KDM2A: variants seen among roughly 807,000 people sequenced by gnomAD.
KDM2A encodes the protein lysine-specific demethylase 2A.
KDM2A carries 3 observed loss-of-function variants against 137.3 expected under a neutral mutation model. The ratio of observed to expected loss-of-function variants is 0.02; its 90% CI spans 0.01 to 0.06. The LOEUF (loss-of-function observed/expected upper bound fraction) is 0.06, where lower values mean the gene tolerates loss of function less well. KDM2A is among the 10% of genes least tolerant of loss of function. KDM2A has a pLI of 1.00. For synonymous variants in KDM2A, 512 were observed against 541.5 expected (o/e 0.95, Z 0.76); for missense variants, 738 against 1,510.6 (o/e 0.49, Z 8.48).
At position 67,219,419 on chromosome 11, in the gene KDM2A, T is replaced by A. The variant is rs1317254087; in HGVS notation, c.957+16T>A. ...TCGGACACGGGTAAGTAATCTTATG[T>A]AACAGTTGCATGTGAAGAGGTTTAC... is the stretch of plus-strand genomic sequence containing the variant. On this transcript the variant is annotated intron_variant, in intron 10 of 20. Coordinates refer to ENST00000529006, the MANE Select transcript of KDM2A (RefSeq NM_012308.3). 4.2e-6 allele frequency: 6 copies of A among 1,437,960 alleles called. No individual in the cohort carries two copies. Among genetic ancestry groups the A allele is most frequent in the Non-Finnish European group, 5.8e-6 (6 of 1,036,978 alleles). The allele number at this position is 1,437,960 out of a possible 1,614,324, so 89.1% of individuals were successfully genotyped here. A position where few individuals can be genotyped will look rare whatever the true frequency, so the allele number is the denominator to read the frequency against.
chr11:67,178,231 C>T (rs1438612000), intron 2 of KDM2A, among the ~76,000 whole-genome samples: 4 of 151,956 alleles, frequency 2.6e-5, no homozygotes, highest in South Asian at 2.1e-4. Context: ...CATGGGAAAC[C>T]CCTGTCTCTA....
At chr11:67,191,415 A>C (rs1382085702) in intron 5 of KDM2A, among the ~76,000 whole-genome samples, 1 of 152,204 alleles carries the variant, frequency 6.6e-6, no homozygotes, top group African/African-American at 2.4e-5. Flanking sequence ...ACAAATCAAT[A>C]TCCTTTTTGA....
At chr11:67,138,626 C>A (rs2136290977) in intron 2 of KDM2A, among the ~76,000 whole-genome samples, 1 of 152,248 alleles carries the variant, frequency 6.6e-6, no homozygotes, top group Admixed American at 6.5e-5. Context: ...ACCAAAAACA[C>A]AAAAATTAAC....
chr11:67,252,738 G>T lies in KDM2A; in HGVS notation c.2813G>T (p.Cys938Phe), dbSNP rs758044498. 6.2e-7 allele frequency: 1 copy of T among 1,613,990 alleles called. No homozygotes were observed. Among genetic ancestry groups the T allele is most frequent in the Non-Finnish European group, 8.5e-7 (1 of 1,179,882 alleles). ...RLWTKIDLSRCKAIVPQALSG... is the reference protein window; with the variant it reads ...RLWTKIDLSRFKAIVPQALSG... ...TGGACAAAAATTGACTTGAGTAGGTGTAAGGCCATTGTGCCCCAGGCCCTC... is the reference window on the plus strand; with the variant it reads ...TGGACAAAAATTGACTTGAGTAGGTTTAAGGCCATTGTGCCCCAGGCCCTC... The change falls in exon 18 of 21, where the codon TGT (cysteine) becomes TTT (phenylalanine). Residue 938 changes from cysteine (C) to phenylalanine (F), a missense_variant. By Grantham distance (205) the Cys-to-Phe change is radical. This residue lies in a region of KDM2A where 166 missense variants were observed against 324.0 expected (regional missense o/e 0.51). Coordinates refer to ENST00000529006, the MANE Select transcript of KDM2A (RefSeq NM_012308.3).
chr11:67,235,339 T>A (rs1213055644), intron 12 of KDM2A, among the ~76,000 whole-genome samples: 1 of 150,198 alleles, frequency 6.7e-6, no homozygotes, highest in Admixed American at 6.6e-5. Context: ...AGTTTCACTG[T>A]TTTTGCCCAG....
chr11:67,201,943 A>G (rs1467645704), intron 5 of KDM2A, among the ~76,000 whole-genome samples: 1 of 152,048 alleles, frequency 6.6e-6, no homozygotes, highest in Non-Finnish European at 1.5e-5. Flanking sequence ...CATGAGAGTG[A>G]GACCCTGTCT....
At chr11:67,168,580 T>TATA (rs142034313) in intron 2 of KDM2A, among the ~76,000 whole-genome samples, 3,637 of 4,636 alleles carry the variant, frequency 0.78, 1,658 homozygotes, top group Middle Eastern at 0.88. Context: ...TTGTATGAAT[T>TATA]ATACACACAC....
At chr11:67,211,528 C>T (rs936079047) in intron 6 of KDM2A, among the ~76,000 whole-genome samples, 1 of 140,490 alleles carries the variant, frequency 7.1e-6, no homozygotes, top group Non-Finnish European at 1.5e-5. Flanking sequence ...GTGGGAGAAT[C>T]GCTTGAAACC....
At chr11:67,253,426 T>G in intron 18 of KDM2A, 27 bp from the exon 19 acceptor site, 1 of 1,605,474 alleles carries the variant, frequency 6.2e-7, no homozygotes, top group Non-Finnish European at 8.5e-7. Flanking sequence ...CAGTGTATTA[T>G]TACATGTCTC....
intron 2 of KDM2A, among the ~76,000 whole-genome samples, chr11:67,150,047 T>G (rs1590725064): frequency 6.6e-6 from 1 of 152,336 alleles, no homozygotes. Flanking sequence ...AGATACTCAG[T>G]AAACAAAAGA....
chr11:67,186,394 A>T (rs565821425), intron 5 of KDM2A, among the ~76,000 whole-genome samples: 1 of 152,358 alleles, frequency 6.6e-6, no homozygotes, highest in African/African-American at 2.4e-5. Context: ...TCAACCAAGC[A>T]TCCTATATCT....
At chr11:67,212,242 A>G (rs1858018210) in intron 6 of KDM2A, among the ~76,000 whole-genome samples, 1 of 152,212 alleles carries the variant, frequency 6.6e-6, no homozygotes, top group African/African-American at 2.4e-5. Context: ...AGTGGTGCCT[A>G]ATGTTGACAT....
chr11:67,203,532 AAGT>A (rs1200087169), intron 5 of KDM2A, among the ~76,000 whole-genome samples: 2 of 148,054 alleles, frequency 1.4e-5, no homozygotes, highest in Non-Finnish European at 3.0e-5. Flanking sequence ...TATAATAAAT[AAGT>A]AGTCTAGTAA....
chr11:67,193,008 G>T (rs1044365951), intron 5 of KDM2A, among the ~76,000 whole-genome samples: 1 of 151,992 alleles, frequency 6.6e-6, no homozygotes, highest in African/African-American at 2.4e-5. Flanking sequence ...TGGCTAGGGG[G>T]TATCAGAGTC....
chr11:67,241,090 C>A (rs574344403), intron 12 of KDM2A, among the ~76,000 whole-genome samples: 29 of 152,288 alleles, frequency 1.9e-4, no homozygotes, highest in Admixed American at 1.6e-3. Context: ...GGAAAGTCCC[C>A]GTTTGTGGAC....
At chr11:67,131,478 A>G (rs1212991492) in intron 2 of KDM2A, among the ~76,000 whole-genome samples, 1 of 140,698 alleles carries the variant, frequency 7.1e-6, no homozygotes, top group African/African-American at 2.7e-5. Flanking sequence ...GTGGTGCGAT[A>G]TTGGCTCACT....
At chr11:67,186,448 C>T (rs1296580419) in intron 5 of KDM2A, among the ~76,000 whole-genome samples, 2 of 152,180 alleles carry the variant, frequency 1.3e-5, no homozygotes, top group African/African-American at 4.8e-5. Flanking sequence ...AAGACATTCT[C>T]AGAAAAACAA....
chr11:67,255,356 T>G lies in KDM2A; in HGVS notation c.*301T>G. 1 of 455,004 alleles carries G rather than the reference T, an allele frequency of 2.2e-6. No homozygotes were observed. Among genetic ancestry groups the G allele is most frequent in the Non-Finnish European group, 4.2e-6 (1 of 236,706 alleles). 28.2% of individuals were successfully genotyped at this position (455,004 alleles called of 1,614,324 possible). ...CTGCCAGGAGGCCGGGCTCTCAGTT[T>G]GGGGTGTTTGTGCAACCTTCATCTG... is the stretch of plus-strand genomic sequence containing the variant. On this transcript the variant is annotated 3_prime_UTR_variant, in exon 21 of 21. Coordinates refer to ENST00000529006, the MANE Select transcript of KDM2A (RefSeq NM_012308.3).
At chr11:67,247,218 T>C (rs1859276739) in intron 15 of KDM2A, among the ~76,000 whole-genome samples, 1 of 147,614 alleles carries the variant, frequency 6.8e-6, no homozygotes, top group Non-Finnish European at 1.5e-5. Flanking sequence ...GCTTCCCTAG[T>C]AGTTGGGATT....
Sources: allele counts gnomAD v4.1 joint callset (sites outside exome capture counted in the v4.1 genomes callset), GRCh38; gene constraint gnomAD v4.1.1; regional missense constraint gnomAD v4.1.1; transcripts MANE v1.5; gene names NCBI Gene and HGNC (gene_info 2026-07-23, HGNC 2026-07-21).